The following EXT2 variants were observed in gnomAD, a reference collection of about 807,000 sequenced individuals.
The protein encoded by EXT2 is exostosin glycosyltransferase 2, also known as exostosin-2.
A neutral mutation model predicts 81.6 loss-of-function variants in EXT2; 53 were observed. That is an observed-to-expected ratio of 0.65 (90% confidence interval 0.52 to 0.82). The LOEUF (loss-of-function observed/expected upper bound fraction) is 0.82. Ranked by LOEUF, EXT2 falls within the 40% of genes least tolerant of loss-of-function variation. The pLI, the probability that EXT2 is intolerant of heterozygous loss-of-function variation, is 0.00. For missense variants in EXT2, 774 were observed against 910.2 expected (o/e 0.85, Z 1.93); for synonymous variants, 320 against 340.0 (o/e 0.94, Z 0.65).
intron 4 of EXT2, among the ~76,000 whole-genome samples, chr11:44,123,500 C>A (rs2135011272): frequency 6.6e-6 from 1 of 152,278 alleles, no homozygotes; most frequent in South Asian, 2.1e-4. Context: ...GACACTGATT[C>A]CTTGTGGTCC....
intron 13 of EXT2, 117 bp from the exon 14 acceptor site, chr11:44,244,032 C>T (rs1956068664): frequency 1.1e-6 from 1 of 946,470 alleles, no homozygotes; most frequent in African/African-American, 1.6e-5. Flanking sequence ...TGATGTTGAA[C>T]ATTATGTATT....
intron 1 of EXT2, among the ~76,000 whole-genome samples, chr11:44,098,241 T>A (rs1953929246): frequency 6.6e-6 from 1 of 152,222 alleles, no homozygotes; most frequent in Non-Finnish European, 1.5e-5. Context: ...TTGGAGATAC[T>A]CCATCTCTCT....
rs115044545 is a variant in EXT2 at position 44,110,476 on chromosome 11, G to A, written c.626+1193G>A. ...GATTTGGCTCTCAGCCCCAGAGAAGGTGTGCCTGTTCCTGAGTGGGCTACT... is the reference window on the plus strand; with the variant it reads ...GATTTGGCTCTCAGCCCCAGAGAAGATGTGCCTGTTCCTGAGTGGGCTACT... On this transcript the variant is annotated intron_variant, in intron 3 of 13. Transcript: ENST00000533608. Among the ~76,000 whole-genome samples, 944 of 152,312 alleles carry A rather than the reference G, an allele frequency of 6.2e-3. 12 individuals are homozygous for A. Among genetic ancestry groups the A allele is most frequent in the African/African-American group, 0.021 (893 of 41,570 alleles).
At chr11:44,132,767 C>A (rs1954511777) in intron 7 of EXT2, among the ~76,000 whole-genome samples, 1 of 152,134 alleles carries the variant, frequency 6.6e-6, no homozygotes, top group African/African-American at 2.4e-5. Context: ...CTTTCTAACT[C>A]CCTTTTCCGC....
intron 8 of EXT2, among the ~76,000 whole-genome samples, chr11:44,179,080 T>C (rs955436857): frequency 6.6e-6 from 1 of 152,084 alleles, no homozygotes; most frequent in African/African-American, 2.4e-5. Context: ...GAGCTTGATC[T>C]GGGGCCCCAA....
intron 10 of EXT2, among the ~76,000 whole-genome samples, chr11:44,223,800 G>A (rs903054773): frequency 3.3e-5 from 5 of 152,012 alleles, no homozygotes; most frequent in Admixed American, 2.0e-4. Context: ...ATAGGCACCC[G>A]CCACTAGGCC....
At chr11:44,242,931 A>G (rs1481300337) in intron 13 of EXT2, among the ~76,000 whole-genome samples, 1 of 152,132 alleles carries the variant, frequency 6.6e-6, no homozygotes, top group Non-Finnish European at 1.5e-5. Context: ...GTCCTACCCC[A>G]TAGGGTTGTT....
At chr11:44,145,927 T>A (rs1342468984) in intron 7 of EXT2, among the ~76,000 whole-genome samples, 3 of 152,256 alleles carry the variant, frequency 2.0e-5, no homozygotes, top group Non-Finnish European at 4.4e-5. Context: ...AGGTATGTGA[T>A]GTCCATTAGT....
intron 7 of EXT2, among the ~76,000 whole-genome samples, chr11:44,153,006 C>G (rs183433233): frequency 6.6e-6 from 1 of 152,272 alleles, no homozygotes; most frequent in African/African-American, 2.4e-5. Context: ...TATTCTGGAT[C>G]TTTACCTCTC....
Position 44,246,467 on chromosome 11 carries a change from C to T in EXT2, c.*2180C>T, listed in dbSNP as rs1023625882. 6.6e-6 allele frequency among the ~76,000 whole-genome samples: 1 copy of T among 152,130 alleles called. No individual in the cohort carries two copies. Among genetic ancestry groups the T allele is most frequent in the African/African-American group, 2.4e-5 (1 of 41,416 alleles). On this transcript the variant is annotated 3_prime_UTR_variant, in exon 14 of 14. Coordinates refer to ENST00000533608, the MANE Select transcript of EXT2 (RefSeq NM_207122.2). ...TGAGTTCATTGTGAGCCCTAGAGAG[C>T]TGTGTGACTTTATCATCGTCATAGG...
intron 13 of EXT2, among the ~76,000 whole-genome samples, chr11:44,238,281 C>G (rs1955993822): frequency 1.3e-5 from 2 of 152,134 alleles, no homozygotes; most frequent in African/African-American, 4.8e-5. Context: ...CTCCTAGGCT[C>G]AAGTGGTCCT....
intron 10 of EXT2, among the ~76,000 whole-genome samples, chr11:44,209,952 G>A (rs144861738): frequency 1.5e-3 from 225 of 152,298 alleles, no homozygotes; most frequent in African/African-American, 4.7e-3. Flanking sequence ...AGTTAATTCA[G>A]TAACATTTGA....
intron 12 of EXT2, among the ~76,000 whole-genome samples, chr11:44,235,921 G>T (rs1210581472): frequency 6.6e-6 from 1 of 152,216 alleles, no homozygotes; most frequent in Non-Finnish European, 1.5e-5. Context: ...TTGGAACTAA[G>T]GTTACGGTGA....
intron 9 of EXT2, among the ~76,000 whole-genome samples, chr11:44,205,285 T>C (rs933731848): frequency 2.6e-5 from 4 of 152,192 alleles, no homozygotes; most frequent in African/African-American, 4.8e-5. Context: ...CTCTACTTAT[T>C]CTTATGCTGA....
At chr11:44,132,145 G>GA (rs1954502495) in intron 7 of EXT2, among the ~76,000 whole-genome samples, 1 of 152,194 alleles carries the variant, frequency 6.6e-6, no homozygotes, top group Non-Finnish European at 1.5e-5. Flanking sequence ...GAAAGGGTAA[G>GA]AAAAAACTGG....
rs772435587 is a variant in EXT2, at chr11:44,247,127, C to T, written c.*2840C>T. Among the ~76,000 whole-genome samples, 2 of 152,154 alleles carry T rather than the reference C, an allele frequency of 1.3e-5. No individual in the cohort carries two copies. Among genetic ancestry groups the T allele is most frequent in the Non-Finnish European group, 2.9e-5 (2 of 68,040 alleles). ...TAAAATGTTTATCTCATGTATTTTA[C>T]CAACCCTCACACATTTAGGTATAAA... On this transcript the variant is annotated 3_prime_UTR_variant, in exon 14 of 14. Coordinates refer to ENST00000533608, the MANE Select transcript of EXT2 (RefSeq NM_207122.2).
At chr11:44,139,156 A>G (rs1033908700) in intron 7 of EXT2, among the ~76,000 whole-genome samples, 1 of 149,940 alleles carries the variant, frequency 6.7e-6, no homozygotes, top group African/African-American at 2.5e-5. Flanking sequence ...GAGGATCAGA[A>G]TGACTTGTAG....
chr11:44,188,864 A>T (rs1347955300), intron 8 of EXT2, among the ~76,000 whole-genome samples: 1 of 152,218 alleles, frequency 6.6e-6, no homozygotes, highest in East Asian at 1.9e-4. Context: ...GGGAATGGAA[A>T]GAAGCCCTAT....
Position 44,214,676 on chromosome 11 carries a change from A to G in EXT2, c.1662+7717A>G, listed in dbSNP as rs572909287. ...TGATGTACTCTTTTTCATTCCTGAT[A>G]CTGGCAATTTTTGTTTTATGTCTTT... On this transcript the variant is annotated intron_variant, in intron 10 of 13. Transcript: ENST00000533608. Among the ~76,000 whole-genome samples, 217 of 152,036 alleles carry G rather than the reference A, an allele frequency of 1.4e-3. 1 individual carries two copies. Among genetic ancestry groups the G allele is most frequent in the African/African-American group, 5.1e-3 (213 of 41,474 alleles).
Sources: allele counts gnomAD v4.1 joint callset (sites outside exome capture counted in the v4.1 genomes callset), GRCh38; gene constraint gnomAD v4.1.1; transcripts MANE v1.5; gene names NCBI Gene and HGNC (gene_info 2026-07-23, HGNC 2026-07-21).